GRK5: variants seen among roughly 807,000 people sequenced by gnomAD.
The protein encoded by GRK5 is g protein-coupled receptor kinase GRK5.
GRK5 carries 40 observed loss-of-function variants against 78.4 expected under a neutral mutation model. The ratio of observed to expected loss-of-function variants is 0.51; its 90% CI spans 0.40 to 0.66. The LOEUF (loss-of-function observed/expected upper bound fraction) is 0.66. GRK5 is among the 30% of genes least tolerant of loss of function. The pLI is 0.00. For synonymous variants in GRK5, 289 were observed against 296.8 expected, an observed-to-expected ratio of 0.97 and a Z score of 0.27; for missense variants, 598 against 759.9, an observed-to-expected ratio of 0.79 and a Z score of 2.50.
chr10:119,278,563 A>G lies in GRK5; in HGVS notation c.53-47953A>G, dbSNP rs560439328. ...AGTTGGACTTGGGCCCACTGAAGAG[A>G]CAGCCTGGGATCGGATGTCCAGAAG... On this transcript the variant is annotated intron_variant, in intron 1 of 15. Transcript: ENST00000392870. Among the ~76,000 whole-genome samples, 101 of 152,034 alleles carry G rather than the reference A, an allele frequency of 6.6e-4. 1 individual carries two copies. Among genetic ancestry groups the G allele is most frequent in the Non-Finnish European group, 1.2e-3 (81 of 67,988 alleles).
chr10:119,365,025 A>G (rs1851423138), intron 2 of GRK5, among the ~76,000 whole-genome samples: 1 of 152,186 alleles, frequency 6.6e-6, no homozygotes, highest in Admixed American at 6.5e-5. Context: ...CGTCAGTTAC[A>G]GACCTGTTTC....
In GRK5 at chr10:119,452,554, T is replaced by G; in HGVS notation, c.1405-117T>G. 1 of 1,226,872 alleles carries G rather than the reference T, an allele frequency of 8.2e-7. No homozygotes were observed. Among genetic ancestry groups the G allele is most frequent in the Non-Finnish European group, 1.1e-6 (1 of 873,316 alleles). The allele number at this position is 1,226,872 out of a possible 1,614,324, so 76.0% of individuals were successfully genotyped here. ...ACCCTCCAGCCACTACCCATAGCAG[T>G]TCTGGGGGTGTGTCCTGGGAAGACT... On this transcript the variant is annotated intron_variant, in intron 13 of 15. Coordinates refer to ENST00000392870, the MANE Select transcript of GRK5 (RefSeq NM_005308.3). The surrounding 1 kb of genome is among the most constrained non-coding windows in gnomAD (Gnocchi z 4.4).
intron 3 of GRK5, among the ~76,000 whole-genome samples, chr10:119,384,929 A>G (rs1851768640): frequency 6.6e-6 from 1 of 152,184 alleles, no homozygotes; most frequent in Non-Finnish European, 1.5e-5. Flanking sequence ...GGGAGTTTGG[A>G]TATGGGGAGG....
At chr10:119,327,254 C>T in intron 2 of GRK5, among the ~76,000 whole-genome samples, 1 of 152,224 alleles carries the variant, frequency 6.6e-6, no homozygotes, top group East Asian at 1.9e-4. Flanking sequence ...CCAAGTGGGT[C>T]TGTGCCTGGT....
Position 119,377,046 on chromosome 10 carries a change from G to T in GRK5, c.149-3769G>T, listed in dbSNP as rs147083042. ...GTGTGCCTGTGTGTACAGCATCCCA[G>T]TGTTCTCCCACCCCTAAAGATAGAT... On this transcript the variant is annotated intron_variant, in intron 2 of 15. Transcript: ENST00000392870. Among the ~76,000 whole-genome samples the T allele has an allele frequency of 1.3e-3, 200 of 152,274 alleles. 1 individual carries two copies. Among genetic ancestry groups the T allele is most frequent in the East Asian group, 4.4e-3 (23 of 5,182 alleles).
chr10:119,320,119 C>T (rs759216189), intron 1 of GRK5, among the ~76,000 whole-genome samples: 16 of 152,296 alleles, frequency 1.1e-4, no homozygotes, highest in Non-Finnish European at 1.8e-4. Flanking sequence ...GAAAGCCATG[C>T]CTGTAGGGTC....
intron 1 of GRK5, among the ~76,000 whole-genome samples, chr10:119,224,366 ACCC>A (rs1848701209): frequency 6.6e-6 from 1 of 150,772 alleles, no homozygotes; most frequent in East Asian, 2.0e-4. Flanking sequence ...AGATCCAGTC[ACCC>A]ACTATTTATT....
At chr10:119,274,365 T>C (rs1205416134) in intron 1 of GRK5, among the ~76,000 whole-genome samples, 1 of 152,228 alleles carries the variant, frequency 6.6e-6, no homozygotes, top group Non-Finnish European at 1.5e-5. Context: ...TGGGGCTGCA[T>C]GTGGGCATTG....
chr10:119,274,710 G>C (rs935178997), intron 1 of GRK5, among the ~76,000 whole-genome samples: 3 of 152,204 alleles, frequency 2.0e-5, no homozygotes, highest in African/African-American at 4.8e-5. Context: ...GTTGAATGAA[G>C]TTAGAGTTTT....
chr10:119,424,612 C>T (rs1269367554), intron 5 of GRK5, among the ~76,000 whole-genome samples: 1 of 8,796 alleles, frequency 1.1e-4, no homozygotes, highest in Non-Finnish European at 2.5e-4. Flanking sequence ...CTGTTCTCAG[C>T]TTAAGGTCAC....
intron 1 of GRK5, among the ~76,000 whole-genome samples, chr10:119,303,640 T>C (rs962408420): frequency 4.6e-5 from 7 of 152,106 alleles, no homozygotes; most frequent in Admixed American, 4.6e-4. Flanking sequence ...TTCCATGAGT[T>C]GCTTTGGGTT....
chr10:119,231,519 A>C (rs1416603101), intron 1 of GRK5, among the ~76,000 whole-genome samples: 1 of 151,990 alleles, frequency 6.6e-6, no homozygotes. Flanking sequence ...CAGCCTGACC[A>C]ACATGGTGAA....
At chr10:119,438,505 T>C (rs1852967736) in intron 9 of GRK5, among the ~76,000 whole-genome samples, 1 of 143,008 alleles carries the variant, frequency 7.0e-6, no homozygotes, top group Non-Finnish European at 1.5e-5. Context: ...CCCCCATTTA[T>C]GTTTCTGTTT....
chr10:119,359,992 G>A (rs1386325945), intron 2 of GRK5, among the ~76,000 whole-genome samples: 1 of 151,546 alleles, frequency 6.6e-6, no homozygotes, highest in African/African-American at 2.4e-5. Context: ...GGAGGCGGAG[G>A]GAGGCTGAGG....
chr10:119,335,177 C>CCCCTCT (rs1850858916), intron 2 of GRK5, among the ~76,000 whole-genome samples: 1 of 35,794 alleles, frequency 2.8e-5, no homozygotes, highest in African/African-American at 1.1e-4. Flanking sequence ...TCTCTCTCTC[C>CCCCTCT]CCCTCTCCCT....
intron 1 of GRK5, among the ~76,000 whole-genome samples, chr10:119,230,314 A>G (rs1327521779): frequency 6.6e-6 from 1 of 152,072 alleles, no homozygotes; most frequent in Non-Finnish European, 1.5e-5. Flanking sequence ...GGTAAGACCC[A>G]TATATTAGTC....
chr10:119,268,571 C>T (rs1004270812), intron 1 of GRK5, among the ~76,000 whole-genome samples: 8 of 152,188 alleles, frequency 5.3e-5, no homozygotes, highest in East Asian at 1.9e-4. Flanking sequence ...ATGTGACCTC[C>T]GACAGCTTAA....
chr10:119,292,673 T>C (rs1850004241), intron 1 of GRK5, among the ~76,000 whole-genome samples: 1 of 152,188 alleles, frequency 6.6e-6, no homozygotes. Flanking sequence ...AATCTGCAGA[T>C]GCACAAGTCC....
Position 119,378,702 on chromosome 10 carries a change from G to T in GRK5, c.149-2113G>T, listed in dbSNP as rs1021331620. On this transcript the variant is annotated intron_variant, in intron 2 of 15. Coordinates refer to ENST00000392870, the MANE Select transcript of GRK5 (RefSeq NM_005308.3). The surrounding 1 kb of genome is among the most constrained non-coding windows in gnomAD (Gnocchi z 4.5). ...TCCGTGGGCTCTCGCTGCGTGGGGGGAAGGCGGTCTCAGCAGCCCTCGGCT... is the reference window on the plus strand; with the variant it reads ...TCCGTGGGCTCTCGCTGCGTGGGGGTAAGGCGGTCTCAGCAGCCCTCGGCT... Among the ~76,000 whole-genome samples the T allele has an allele frequency of 1.3e-5, 2 of 152,250 alleles. No homozygotes were observed. Among genetic ancestry groups the T allele is most frequent in the African/African-American group, 4.8e-5 (2 of 41,472 alleles).
Sources: allele counts gnomAD v4.1 joint callset (sites outside exome capture counted in the v4.1 genomes callset), GRCh38; gene constraint gnomAD v4.1.1; non-coding constraint Gnocchi (gnomAD v3.1); transcripts MANE v1.5; gene names NCBI Gene and HGNC (gene_info 2026-07-23, HGNC 2026-07-21).